ATP2B2: variants seen among roughly 807,000 people sequenced by gnomAD.
The protein encoded by ATP2B2 is plasma membrane calcium-transporting ATPase 2.
A neutral mutation model predicts 120.0 loss-of-function variants in ATP2B2; 15 were observed. The observed-to-expected ratio is 0.12, with a 90% CI of 0.08 to 0.19. ATP2B2 has a LOEUF of 0.19. Among genes scored for constraint, ATP2B2 ranks in the 10% least tolerant of loss-of-function variants. The pLI is 1.00. For synonymous variants in ATP2B2, 694 were observed against 700.3 expected, an observed-to-expected ratio of 0.99 and a Z score of 0.14; for missense variants, 1,045 against 1,719.8, an observed-to-expected ratio of 0.61 and a Z score of 6.94.
At chr3:10,413,137 GCC>G (rs963110385) in intron 2 of ATP2B2, among the ~76,000 whole-genome samples, 21 of 152,218 alleles carry the variant, frequency 1.4e-4, no homozygotes, top group African/African-American at 4.6e-4. Flanking sequence ...CCCACTGTGG[GCC>G]TAGCCTGGTG....
intron 2 of ATP2B2, among the ~76,000 whole-genome samples, chr3:10,444,434 G>T (rs1200939591): frequency 1.3e-5 from 2 of 152,134 alleles, no homozygotes; most frequent in South Asian, 2.1e-4. Context: ...TCATATTCAC[G>T]TGCAGCACAA....
Position 10,346,166 on chromosome 3 carries a change from T to TG in ATP2B2, c.2405-30dup. 1 of 1,603,434 alleles carries TG rather than the reference T, an allele frequency of 6.2e-7. No individual in the cohort carries two copies. On this transcript the variant is annotated intron_variant, in intron 16 of 22. Transcript: ENST00000360273. This position sits in a 1 kb window ranked among gnomAD's most constrained non-coding sequence, Gnocchi z 4.1. ...TTGGGGCAGGAGTGTGCTCAGGCCC[T>TG]GGGCCACTCAGGTGGGAGGCAGCCT... is the stretch of plus-strand genomic sequence containing the variant.
chr3:10,387,402 G>C (rs1045521531), intron 6 of ATP2B2, among the ~76,000 whole-genome samples: 2 of 152,212 alleles, frequency 1.3e-5, no homozygotes, highest in Admixed American at 6.5e-5. Context: ...AAACTCAGTG[G>C]GGGAGGCATC....
intron 2 of ATP2B2, among the ~76,000 whole-genome samples, chr3:10,612,825 G>T (rs540547740): frequency 1.1e-4 from 17 of 152,328 alleles, no homozygotes; most frequent in African/African-American, 4.1e-4. Flanking sequence ...TGGTTATATG[G>T]TTGTATAATA....
At chr3:10,356,739 A>G (rs1245207413) in intron 14 of ATP2B2, among the ~76,000 whole-genome samples, 1 of 152,204 alleles carries the variant, frequency 6.6e-6, no homozygotes, top group Non-Finnish European at 1.5e-5. Flanking sequence ...CAGTAACGAG[A>G]TAACACATCA....
intron 1 of ATP2B2, among the ~76,000 whole-genome samples, chr3:10,468,354 C>A (rs1450574843): frequency 1.3e-5 from 2 of 152,216 alleles, no homozygotes; most frequent in Non-Finnish European, 2.9e-5. Flanking sequence ...GATGGCAGCC[C>A]CTTCCTGTTT....
chr3:10,407,204 G>C (rs2062444753), intron 3 of ATP2B2, among the ~76,000 whole-genome samples: 1 of 152,206 alleles, frequency 6.6e-6, no homozygotes, highest in African/African-American at 2.4e-5. Context: ...TGGGGATGCT[G>C]TGTACCTGGC....
intron 1 of ATP2B2, among the ~76,000 whole-genome samples, chr3:10,450,970 G>C (rs1235453038): frequency 6.6e-6 from 1 of 152,188 alleles, no homozygotes; most frequent in Non-Finnish European, 1.5e-5. Flanking sequence ...GCCCAGGACG[G>C]TGAGGGGAAG....
chr3:10,452,475 A>G (rs989447103), intron 1 of ATP2B2, among the ~76,000 whole-genome samples: 1 of 152,192 alleles, frequency 6.6e-6, no homozygotes, highest in Non-Finnish European at 1.5e-5. Context: ...GAGCTTTTAC[A>G]TTAAGCAGTG....
chr3:10,399,379 C>G (rs2062146769), intron 5 of ATP2B2, among the ~76,000 whole-genome samples: 1 of 152,224 alleles, frequency 6.6e-6, no homozygotes, highest in South Asian at 2.1e-4. Flanking sequence ...TCTCACTGTT[C>G]TGATTTTAGG....
At chr3:10,600,907 T>C (rs60285392) in intron 2 of ATP2B2, among the ~76,000 whole-genome samples, 10 of 151,754 alleles carry the variant, frequency 6.6e-5, no homozygotes, top group African/African-American at 2.4e-4. Flanking sequence ...AGATGAAGTG[T>C]TTGGGGCAGG....
At chr3:10,383,448 A>G (rs2061587030) in intron 8 of ATP2B2, among the ~76,000 whole-genome samples, 1 of 152,214 alleles carries the variant, frequency 6.6e-6, no homozygotes, top group Non-Finnish European at 1.5e-5. Context: ...GTGGTTCTCA[A>G]ACATCTTTGA....
chr3:10,457,993 C>T (rs2064335111), intron 1 of ATP2B2, among the ~76,000 whole-genome samples: 2 of 152,148 alleles, frequency 1.3e-5, no homozygotes, highest in African/African-American at 4.8e-5. Context: ...ACTCCACTGT[C>T]CTCTGTTCTC....
chr3:10,340,540 G>A lies in ATP2B2; in HGVS notation c.3082C>T (p.Arg1028Trp). Residue 1028 changes from arginine to tryptophan, a missense_variant, in exon 20 of 23, where the codon CGG (arginine) becomes TGG (tryptophan). This residue lies in a region of ATP2B2 where 211 missense variants were observed against 385.1 expected (regional missense o/e 0.55). Coordinates refer to ENST00000360273, the MANE Select transcript of ATP2B2 (RefSeq NM_001001331.4). The surrounding 1 kb of genome is among the most constrained non-coding windows in gnomAD (Gnocchi z 5.0). The stretch of plus-strand genomic sequence containing the variant: ...ACGATGGTGCAGAAGATGGGGTTCC[G>A]GAAGATGCCGTCAAAGACATTGCGC... ...GERNVFDGIF[R>W]NPIFCTIVLG... The A allele has an allele frequency of 1.9e-6, 3 of 1,614,240 alleles. No individual in the cohort carries two copies. Among genetic ancestry groups the A allele is most frequent in the Admixed American group, 1.7e-5 (1 of 60,030 alleles).
At chr3:10,400,167 GC>G (rs1289152641) in intron 5 of ATP2B2, among the ~76,000 whole-genome samples, 2 of 152,230 alleles carry the variant, frequency 1.3e-5, no homozygotes, top group African/African-American at 4.8e-5. Flanking sequence ...CCTCTTCTCT[GC>G]CCCTGTAGCT....
At chr3:10,422,389 T>G (rs960536801) in intron 2 of ATP2B2, among the ~76,000 whole-genome samples, 5 of 152,200 alleles carry the variant, frequency 3.3e-5, no homozygotes, top group Non-Finnish European at 7.3e-5. Flanking sequence ...TATCGTCTGG[T>G]GTGCATTGCA....
chr3:10,396,851 AG>A (rs1005905960), intron 5 of ATP2B2, among the ~76,000 whole-genome samples: 11 of 149,822 alleles, frequency 7.3e-5, no homozygotes, highest in African/African-American at 2.0e-4. Flanking sequence ...ATAATCAGAA[AG>A]GGGGGGAAGC....
chr3:10,491,348 C>T (rs1314931534), intron 1 of ATP2B2, among the ~76,000 whole-genome samples: 2 of 151,994 alleles, frequency 1.3e-5, no homozygotes, highest in African/African-American at 4.8e-5. Context: ...GCCTCAGCCT[C>T]CCGAGTAGCT....
At chr3:10,361,216 G>A (rs1183238041) in intron 12 of ATP2B2, among the ~76,000 whole-genome samples, 3 of 152,174 alleles carry the variant, frequency 2.0e-5, no homozygotes, top group Non-Finnish European at 2.9e-5. Flanking sequence ...ATATGGGCAA[G>A]TTCATGCAGT....
Sources: gnomAD v4.1 joint callset for allele counts (sites outside exome capture counted in the v4.1 genomes callset) on GRCh38, gnomAD v4.1.1 for gene constraint, gnomAD v4.1.1 regional missense constraint, Gnocchi (gnomAD v3.1) non-coding constraint, MANE v1.5 for transcripts, NCBI Gene and HGNC (gene_info 2026-07-23, HGNC 2026-07-21) for gene names.